The following BMPR1B variants were observed in gnomAD, a reference collection of about 807,000 sequenced individuals.
BMPR1B encodes the protein bone morphogenetic protein receptor type-1B.
Under a neutral mutation model 59.1 loss-of-function variants are expected in BMPR1B, and 12 were observed. The observed-to-expected ratio is 0.20, with a 90% CI of 0.13 to 0.33. BMPR1B has a LOEUF of 0.33. Among genes scored for constraint, BMPR1B ranks in the 10% least tolerant of loss-of-function variants. BMPR1B has a pLI of 1.00. For synonymous variants in BMPR1B, 237 were observed against 207.3 expected, an observed-to-expected ratio of 1.14 and a Z score of -1.23; for missense variants, 550 against 610.9, an observed-to-expected ratio of 0.90 and a Z score of 1.05.
intron 3 of BMPR1B, among the ~76,000 whole-genome samples, chr4:95,007,189 T>C (rs1722905737): frequency 6.6e-6 from 1 of 152,196 alleles, no homozygotes; most frequent in East Asian, 1.9e-4. Context: ...CATGCTATAC[T>C]CTGGAATGTT....
At chr4:95,152,859 G>A in intron 12 of BMPR1B, 86 bp downstream of exon 12, 1 of 1,528,942 alleles carries the variant, frequency 6.5e-7, no homozygotes, top group Non-Finnish European at 8.9e-7. Context: ...TTGATTGTAG[G>A]AATTCTTCTT....
intron 3 of BMPR1B, among the ~76,000 whole-genome samples, chr4:95,069,549 C>T (rs1464976967): frequency 6.6e-6 from 1 of 152,168 alleles, no homozygotes; most frequent in Non-Finnish European, 1.5e-5. Context: ...TCTAGCTATC[C>T]TTTTTAAATC....
chr4:95,109,383 C>T (rs528856235), intron 4 of BMPR1B, among the ~76,000 whole-genome samples: 17 of 152,062 alleles, frequency 1.1e-4, no homozygotes, highest in Non-Finnish European at 2.2e-4. Context: ...GAAGGAAAAG[C>T]TTAGGGGCTG....
At chr4:95,061,935 C>A (rs2149205974) in intron 3 of BMPR1B, among the ~76,000 whole-genome samples, 1 of 152,210 alleles carries the variant, frequency 6.6e-6, no homozygotes, top group Non-Finnish European at 1.5e-5. Context: ...AGTGAGTTCT[C>A]ATGAGATCTG....
chr4:94,765,444 T>C (rs888893484), intron 1 of BMPR1B, among the ~76,000 whole-genome samples: 6 of 152,196 alleles, frequency 3.9e-5, no homozygotes, highest in African/African-American at 9.6e-5. Context: ...CTGCTCGTTA[T>C]ATTTCGTAGA....
chr4:94,766,363 C>T (rs1030668210), intron 1 of BMPR1B, among the ~76,000 whole-genome samples: 3 of 150,716 alleles, frequency 2.0e-5, no homozygotes, highest in Non-Finnish European at 4.4e-5. Context: ...GGAGTTGTTC[C>T]TACAATTATC....
chr4:94,899,528 A>G (rs1727722722), intron 2 of BMPR1B, among the ~76,000 whole-genome samples: 1 of 150,664 alleles, frequency 6.6e-6, no homozygotes, highest in Non-Finnish European at 1.5e-5. Context: ...GGGAAATTAT[A>G]TGGTTGAATA....
At chr4:94,965,503 T>C (rs1730520957) in intron 2 of BMPR1B, among the ~76,000 whole-genome samples, 1 of 152,132 alleles carries the variant, frequency 6.6e-6, no homozygotes, top group South Asian at 2.1e-4. Flanking sequence ...GCAAATCCAT[T>C]TGTTTTCTGG....
intron 4 of BMPR1B, among the ~76,000 whole-genome samples, chr4:95,114,384 T>A (rs1013052536): frequency 6.6e-6 from 1 of 152,118 alleles, no homozygotes; most frequent in African/African-American, 2.4e-5. Context: ...TCTGGAAAAG[T>A]AGTATCTGTG....
intron 3 of BMPR1B, among the ~76,000 whole-genome samples, chr4:95,009,966 A>G (rs968150778): frequency 2.6e-5 from 4 of 152,214 alleles, no homozygotes; most frequent in Non-Finnish European, 5.9e-5. Context: ...ACCAAATGAG[A>G]ACATGAACTT....
chr4:94,800,680 A>G (rs1010787162), intron 1 of BMPR1B, among the ~76,000 whole-genome samples: 3 of 152,110 alleles, frequency 2.0e-5, no homozygotes, highest in Non-Finnish European at 2.9e-5. Flanking sequence ...AATGGAATCC[A>G]TTATGTCATG....
intron 2 of BMPR1B, among the ~76,000 whole-genome samples, chr4:94,935,314 C>T (rs1012089906): frequency 3.3e-5 from 5 of 152,050 alleles, no homozygotes; most frequent in African/African-American, 1.2e-4. Context: ...ACCAAATAAA[C>T]CCCTATTACG....
chr4:95,001,963 ATTGTTGTTG>A (rs933272478), intron 3 of BMPR1B, among the ~76,000 whole-genome samples: 1 of 152,010 alleles, frequency 6.6e-6, no homozygotes. Flanking sequence ...AGAGGTTTTT[ATTGTTGTTG>A]TTGTTTTATA....
intron 2 of BMPR1B, among the ~76,000 whole-genome samples, chr4:94,883,208 A>G (rs548970512): frequency 1.3e-5 from 2 of 152,212 alleles, no homozygotes; most frequent in Admixed American, 6.5e-5. Flanking sequence ...TGTTTATTAT[A>G]AAGTGATGTG....
chr4:94,776,084 T>C (rs4699683), intron 1 of BMPR1B, among the ~76,000 whole-genome samples: 129,105 of 148,090 alleles, frequency 0.87, 56,567 homozygotes, highest in African/African-American at 0.96. Flanking sequence ...GAGCAAGACT[T>C]GTCTCAAAAA....
chr4:94,776,267 AAAGC>A (rs1560479079), intron 1 of BMPR1B, among the ~76,000 whole-genome samples: 1 of 152,176 alleles, frequency 6.6e-6, no homozygotes, highest in Non-Finnish European at 1.5e-5. Context: ...ATACAAAAGA[AAAGC>A]AAGGAAATAT....
At chr4:94,819,560 A>G (rs1298861571) in intron 1 of BMPR1B, among the ~76,000 whole-genome samples, 2 of 152,194 alleles carry the variant, frequency 1.3e-5, no homozygotes, top group East Asian at 1.9e-4. Context: ...TCAGCCCTCT[A>G]GTCACACCAC....
At chr4:94,859,235 G>A (rs2148954791) in intron 1 of BMPR1B, among the ~76,000 whole-genome samples, 1 of 152,218 alleles carries the variant, frequency 6.6e-6, no homozygotes, top group South Asian at 2.1e-4. Flanking sequence ...GTAAAGTGAA[G>A]TTGAAAGAAA....
At chr4:94,760,053 TTGATA>T (rs539196395) in intron 1 of BMPR1B, among the ~76,000 whole-genome samples, 81 of 152,372 alleles carry the variant, frequency 5.3e-4, no homozygotes, top group African/African-American at 1.7e-3. Context: ...ATGATATAAG[TTGATA>T]TGATCTCATT....
Sources: allele counts gnomAD v4.1 joint callset (sites outside exome capture counted in the v4.1 genomes callset), GRCh38; gene constraint gnomAD v4.1.1; transcripts MANE v1.5; gene names NCBI Gene and HGNC (gene_info 2026-07-23, HGNC 2026-07-21).